ITM2B: variants seen among roughly 807,000 people sequenced by gnomAD.
ITM2B encodes ABri/ADan amyloid peptide.
Under a neutral mutation model 27.8 loss-of-function variants are expected in ITM2B, and 11 were observed. The ratio of observed to expected loss-of-function variants is 0.40; its 90% CI spans 0.25 to 0.66. The LOEUF is 0.66. ITM2B is among the 30% of genes least tolerant of loss of function. The pLI, the probability that ITM2B is intolerant of heterozygous loss-of-function variation, is 0.43. For synonymous variants in ITM2B, 114 were observed against 114.3 expected (o/e 1.00, Z 0.02); for missense variants, 296 against 328.9 (o/e 0.90, Z 0.77).
Position 48,269,212 on chromosome 13 carries a change from A to T in ITM2B, c.*7988A>T, listed in dbSNP as rs1951870304. ...TTTTCATAAACCTCACATCAAATCC[A>T]TCAGCCAATCTGGTGTGCTCTACCT... is the stretch of plus-strand genomic sequence containing the variant. On this transcript the variant is annotated 3_prime_UTR_variant, in exon 6 of 6. Transcript: ENST00000647800. The T allele has an allele frequency of 6.6e-6, 1 of 152,016 alleles. No individual in the cohort carries two copies. The highest frequency in any genetic ancestry group is 2.4e-5 in the African/African-American group (1 of 41,380). 9.4% of individuals were successfully genotyped at this position (152,016 alleles called of 1,614,324 possible). A position where few individuals can be genotyped will look rare whatever the true frequency, so the allele number is the denominator to read the frequency against.
intron 2 of ITM2B, chr13:48,254,899 G>C (rs1342091282): frequency 6.6e-6 from 1 of 151,320 alleles, no homozygotes; most frequent in Non-Finnish European, 1.5e-5. Context: ...TCTTGAGACA[G>C]AGTTTCTCTC....
At position 48,258,401 on chromosome 13, in the gene ITM2B, G is replaced by A. The variant is rs569204863; in HGVS notation, c.564+165G>A. ...TTTTGTTTTTAATGTTTTATATCTT[G>A]AAATTGAAATAAATTTCTCAAATAA... On this transcript the variant is annotated intron_variant, in intron 4 of 5. Transcript: ENST00000647800. 1.4e-4 allele frequency among the ~76,000 whole-genome samples: 22 copies of A among 152,194 alleles called. 1 individual carries two copies. Among genetic ancestry groups the A allele is most frequent in the African/African-American group, 5.1e-4 (21 of 41,528 alleles).
intron 1 of ITM2B, among the ~76,000 whole-genome samples, chr13:48,242,045 G>A (rs1951702467): frequency 6.6e-6 from 1 of 152,010 alleles, no homozygotes; most frequent in Non-Finnish European, 1.5e-5. Flanking sequence ...AATACCTATT[G>A]ATAATAGCTA....
chr13:48,248,346 G>A (rs1310003451), intron 1 of ITM2B, among the ~76,000 whole-genome samples: 3 of 151,740 alleles, frequency 2.0e-5, no homozygotes, highest in African/African-American at 7.3e-5. Flanking sequence ...ATGTTGCCCA[G>A]GCTGGTCTGG....
At chr13:48,239,491 G>A (rs1359551364) in intron 1 of ITM2B, among the ~76,000 whole-genome samples, 1 of 152,178 alleles carries the variant, frequency 6.6e-6, no homozygotes, top group Non-Finnish European at 1.5e-5. Flanking sequence ...AATTAGCCAG[G>A]CGTGGTGGCA....
intron 3 of ITM2B, 35 bp downstream of exon 3, chr13:48,256,418 A>G (rs1439639016): frequency 7.0e-7 from 1 of 1,436,070 alleles, no homozygotes; most frequent in African/African-American, 1.4e-5. Context: ...GAAAGAATGC[A>G]GGTTCTGTAG....
rs1340415040 is a variant in ITM2B, at chr13:48,270,278, C to A, written c.*9054C>A. The A allele has an allele frequency of 6.6e-6, 1 of 152,186 alleles. No individual in the cohort carries two copies. Among genetic ancestry groups the A allele is most frequent in the Admixed American group, 6.5e-5 (1 of 15,284 alleles). 9.4% of individuals were successfully genotyped at this position (152,186 alleles called of 1,614,324 possible). Reference sequence around the variant, plus strand: ...CACTACCTTATTTTTCTCTATAGTACTTATCACCATCTGACATGTATTTAT... The same window carrying A: ...CACTACCTTATTTTTCTCTATAGTAATTATCACCATCTGACATGTATTTAT... On this transcript the variant is annotated 3_prime_UTR_variant, in exon 6 of 6. Transcript: ENST00000647800.
At position 48,251,319 on chromosome 13, in the gene ITM2B, A is replaced by G. The variant is rs1278708166; in HGVS notation, c.118-2489A>G. ...AGTATTTGTCCTTTAACATTCCACT[A>G]AAGTATTTTCTCCCTTGGGAAGTCT... is the stretch of plus-strand genomic sequence containing the variant. On this transcript the variant is annotated intron_variant, in intron 1 of 5. Transcript: ENST00000647800. 4.6e-5 allele frequency among the ~76,000 whole-genome samples: 7 copies of G among 152,178 alleles called. 1 individual carries two copies. The highest frequency in any genetic ancestry group is 4.6e-4 in the Admixed American group (7 of 15,284).
At chr13:48,244,408 G>C (rs1408103737) in intron 1 of ITM2B, among the ~76,000 whole-genome samples, 1 of 152,216 alleles carries the variant, frequency 6.6e-6, no homozygotes, top group Non-Finnish European at 1.5e-5. Flanking sequence ...TTCAGTGCTA[G>C]GCAGTAGGGC....
intron 2 of ITM2B, among the ~76,000 whole-genome samples, chr13:48,255,250 T>C (rs1951779248): frequency 7.7e-6 from 1 of 129,296 alleles, no homozygotes; most frequent in African/African-American, 3.2e-5. Context: ...TGTGTGTGTG[T>C]GTGTGCGCGC....
intron 1 of ITM2B, among the ~76,000 whole-genome samples, chr13:48,242,539 C>G (rs1951705556): frequency 6.6e-6 from 1 of 151,980 alleles, no homozygotes; most frequent in Non-Finnish European, 1.5e-5. Flanking sequence ...CATGCTAGAT[C>G]TACAGTTTCA....
chr13:48,259,712 T>TC (rs57225766), intron 5 of ITM2B, among the ~76,000 whole-genome samples: 3 of 151,516 alleles, frequency 2.0e-5, no homozygotes, highest in African/African-American at 4.8e-5. Context: ...TTTTTTTTTT[T>TC]CCAACTTTTA....
intron 5 of ITM2B, among the ~76,000 whole-genome samples, chr13:48,260,092 T>TG (rs1455664975): frequency 6.6e-6 from 1 of 152,178 alleles, no homozygotes; most frequent in African/African-American, 2.4e-5. Context: ...AGTGAGAAGA[T>TG]GCAGTGTTTG....
chr13:48,242,200 T>C lies in ITM2B; in HGVS notation c.117+8723T>C, dbSNP rs144309632. Among the ~76,000 whole-genome samples the C allele has an allele frequency of 5.5e-4, 84 of 152,320 alleles. No individual in the cohort carries two copies. In the East Asian group the frequency reaches 0.015, roughly 28 times the overall value. ...AAACATTAGTTACATTTGAGTATTG[T>C]AGTATACTTTTATTTTACTTCCATT... On this transcript the variant is annotated intron_variant, in intron 1 of 5. Coordinates refer to ENST00000647800, the MANE Select transcript of ITM2B (RefSeq NM_021999.5).
At chr13:48,249,486 TTA>T (rs1382420185) in intron 1 of ITM2B, among the ~76,000 whole-genome samples, 24 of 152,236 alleles carry the variant, frequency 1.6e-4, no homozygotes, top group African/African-American at 5.8e-4. Context: ...TTATTGATCT[TTA>T]AAAATCTTGC....
intron 5 of ITM2B, among the ~76,000 whole-genome samples, chr13:48,259,350 T>A (rs1428109554): frequency 6.6e-6 from 1 of 152,230 alleles, no homozygotes; most frequent in Non-Finnish European, 1.5e-5. Context: ...TGGATCATAT[T>A]GGGAATAATC....
chr13:48,259,305 C>T (rs895053800), intron 5 of ITM2B, among the ~76,000 whole-genome samples: 3 of 152,134 alleles, frequency 2.0e-5, no homozygotes, highest in African/African-American at 7.2e-5. Flanking sequence ...GCTGTGTTTT[C>T]AGGGATCTGG....
chr13:48,258,742 T>G, intron 4 of ITM2B, 55 bp from the exon 5 acceptor site: 1 of 1,528,082 alleles, frequency 6.5e-7, no homozygotes, highest in Non-Finnish European at 9.1e-7. Flanking sequence ...GTTTCTCTAG[T>G]CTACTCAGTG....
At chr13:48,248,707 GA>G (rs201044763) in intron 1 of ITM2B, among the ~76,000 whole-genome samples, 1 of 151,650 alleles carries the variant, frequency 6.6e-6, no homozygotes. Context: ...GATGAGCTGG[GA>G]AAAAAAATCA....
Sources: gnomAD v4.1 joint callset for allele counts (sites outside exome capture counted in the v4.1 genomes callset) on GRCh38, gnomAD v4.1.1 for gene constraint, MANE v1.5 for transcripts, NCBI Gene and HGNC (gene_info 2026-07-23, HGNC 2026-07-21) for gene names.